NPAS3: variants seen among roughly 807,000 people sequenced by gnomAD.
NPAS3 encodes the protein neuronal PAS domain-containing protein 3.
In NPAS3, 14 loss-of-function variants were observed where a neutral mutation model predicts 73.1. The ratio of observed to expected loss-of-function variants is 0.19; its 90% confidence interval spans 0.13 to 0.30. The LOEUF (loss-of-function observed/expected upper bound fraction) is 0.30, where lower values mean the gene tolerates loss of function less well. Among genes scored for constraint, NPAS3 ranks in the 10% least tolerant of loss-of-function variants. NPAS3 has a pLI of 1.00. For missense variants in NPAS3, 1,096 were observed against 1,250.0 expected, an observed-to-expected ratio of 0.88 and a Z score of 1.86; for synonymous variants, 620 against 541.5, an observed-to-expected ratio of 1.14 and a Z score of -2.01.
intron 5 of NPAS3, among the ~76,000 whole-genome samples, chr14:33,581,368 C>A (rs1420719689): frequency 1.3e-5 from 2 of 152,050 alleles, no homozygotes; most frequent in Non-Finnish European, 2.9e-5. Flanking sequence ...TGTTTTAATA[C>A]ATTTTTAATT....
chr14:33,789,435 G>A (rs1343382859), intron 9 of NPAS3, among the ~76,000 whole-genome samples: 2 of 152,152 alleles, frequency 1.3e-5, no homozygotes, highest in Non-Finnish European at 2.9e-5. Context: ...GATGTTCCCA[G>A]TTACGTCTGG....
chr14:33,251,021 T>C (rs1183253575), intron 3 of NPAS3, among the ~76,000 whole-genome samples: 3 of 152,150 alleles, frequency 2.0e-5, no homozygotes, highest in African/African-American at 7.2e-5. Flanking sequence ...ATATTGGGCA[T>C]GGAAAATGTT....
intron 3 of NPAS3, among the ~76,000 whole-genome samples, chr14:33,291,837 T>C (rs1232958333): frequency 6.6e-6 from 1 of 152,230 alleles, no homozygotes; most frequent in African/African-American, 2.4e-5. Context: ...ATAACGGTAC[T>C]GTCAGCTCCC....
intron 7 of NPAS3, among the ~76,000 whole-genome samples, chr14:33,748,341 G>GT (rs2061864924): frequency 6.6e-6 from 1 of 152,082 alleles, no homozygotes; most frequent in East Asian, 1.9e-4. Flanking sequence ...TATACTAATG[G>GT]TTGACACATT....
chr14:33,669,597 A>G (rs1013303009), intron 5 of NPAS3, among the ~76,000 whole-genome samples: 1 of 152,200 alleles, frequency 6.6e-6, no homozygotes, highest in Admixed American at 6.5e-5. Context: ...CGTATAATTT[A>G]CCCTTAAACA....
intron 3 of NPAS3, among the ~76,000 whole-genome samples, chr14:33,331,589 C>A (rs1395775836): frequency 6.6e-6 from 1 of 151,264 alleles, no homozygotes; most frequent in Non-Finnish European, 1.5e-5. Context: ...TATAACTCCT[C>A]GGTGCTATTA....
At chr14:33,030,337 AGG>A (rs1183724870) in intron 1 of NPAS3, among the ~76,000 whole-genome samples, 4 of 152,210 alleles carry the variant, frequency 2.6e-5, no homozygotes, top group African/African-American at 9.6e-5. Flanking sequence ...TGCAAGTGTA[AGG>A]GTTTCAAAGT....
chr14:33,417,621 T>A (rs1236063803), intron 4 of NPAS3, among the ~76,000 whole-genome samples: 1 of 152,074 alleles, frequency 6.6e-6, no homozygotes, highest in Non-Finnish European at 1.5e-5. Flanking sequence ...TTGAACTTTG[T>A]TGCCATATTA....
At chr14:33,109,393 C>T (rs80348794) in intron 2 of NPAS3, among the ~76,000 whole-genome samples, 2,289 of 152,090 alleles carry the variant, frequency 0.015, 57 homozygotes, top group African/African-American at 0.053. Context: ...GTGTATAACC[C>T]TAGCTCAATG....
intron 6 of NPAS3, among the ~76,000 whole-genome samples, chr14:33,683,029 A>C (rs537537112): frequency 7.1e-6 from 1 of 141,814 alleles, no homozygotes; most frequent in South Asian, 2.4e-4. Flanking sequence ...ATCTTGGCAC[A>C]GTTCTGCATG....
chr14:33,176,017 A>C (rs369261903), intron 2 of NPAS3, among the ~76,000 whole-genome samples: 1 of 152,278 alleles, frequency 6.6e-6, no homozygotes, highest in African/African-American at 2.4e-5. Context: ...TTTCTTGTTC[A>C]TCCATTCAAT....
intron 3 of NPAS3, among the ~76,000 whole-genome samples, chr14:33,299,716 G>A (rs2140144234): frequency 6.6e-6 from 1 of 152,054 alleles, no homozygotes; most frequent in Admixed American, 6.5e-5. Flanking sequence ...GAATAGGAAA[G>A]GGGGAAAAAA....
intron 1 of NPAS3, among the ~76,000 whole-genome samples, chr14:32,976,158 A>G (rs2037668459): frequency 6.6e-6 from 1 of 152,124 alleles, no homozygotes; most frequent in Non-Finnish European, 1.5e-5. Flanking sequence ...AAGGTACTCC[A>G]AACAATTCTG....
At chr14:33,303,798 A>G (rs1465492036) in intron 3 of NPAS3, among the ~76,000 whole-genome samples, 5 of 150,132 alleles carry the variant, frequency 3.3e-5, no homozygotes, top group Non-Finnish European at 7.4e-5. Flanking sequence ...AATAAAAAGA[A>G]AATAAGATGT....
intron 2 of NPAS3, among the ~76,000 whole-genome samples, chr14:33,110,792 A>G (rs1301508614): frequency 1.3e-5 from 2 of 152,194 alleles, no homozygotes; most frequent in African/African-American, 4.8e-5. Flanking sequence ...GACGGGAACC[A>G]CAACAGCTAG....
intron 2 of NPAS3, among the ~76,000 whole-genome samples, chr14:33,192,326 G>A (rs985167353): frequency 5.9e-5 from 9 of 152,100 alleles, no homozygotes; most frequent in African/African-American, 1.4e-4. Flanking sequence ...CTAAAGGACC[G>A]TAAAAGGAAG....
chr14:33,708,439 T>A (rs2060721190), intron 6 of NPAS3, among the ~76,000 whole-genome samples: 1 of 152,080 alleles, frequency 6.6e-6, no homozygotes, highest in Non-Finnish European at 1.5e-5. Flanking sequence ...TTGGTAACCA[T>A]GGGGCAAGTG....
upstream of NPAS3, among the ~76,000 whole-genome samples, chr14:32,935,694 G>T (rs146543291): frequency 1.3e-5 from 2 of 152,298 alleles, no homozygotes; most frequent in East Asian, 3.9e-4. Flanking sequence ...CGTATTTATA[G>T]ATTTTTCTTA....
intron 1 of NPAS3, among the ~76,000 whole-genome samples, chr14:32,962,573 T>TTTC (rs1555376529): frequency 7.2e-6 from 1 of 139,136 alleles, no homozygotes; most frequent in African/African-American, 2.7e-5. Context: ...TCTTTTCTTT[T>TTTC]TTTTTTTTTT....
Sources: allele counts gnomAD v4.1 joint callset (sites outside exome capture counted in the v4.1 genomes callset), GRCh38; gene constraint gnomAD v4.1.1; transcripts MANE v1.5; gene names NCBI Gene and HGNC (gene_info 2026-07-23, HGNC 2026-07-21).